The following RIMBP2 variants were observed in gnomAD, a reference collection of about 807,000 sequenced individuals.
RIMBP2 encodes RIMS-binding protein 2.
Under a neutral mutation model 118.6 loss-of-function variants are expected in RIMBP2, and 48 were observed. That is an observed-to-expected ratio of 0.40 (90% confidence interval 0.32 to 0.51). RIMBP2 has a LOEUF of 0.51. Among genes scored for constraint, RIMBP2 ranks in the 20% least tolerant of loss-of-function variants. The probability of loss-of-function intolerance (pLI) is 0.41; values close to 1 mark genes in which losing one functional copy is unlikely to be tolerated. For missense variants in RIMBP2, 1,551 were observed against 1,768.3 expected (o/e 0.88, Z 2.20); for synonymous variants, 762 against 742.9 (o/e 1.03, Z -0.42).
At chr12:130,455,499 C>A (rs775926141) in intron 7 of RIMBP2, among the ~76,000 whole-genome samples, 12 of 152,342 alleles carry the variant, frequency 7.9e-5, no homozygotes, top group Admixed American at 1.3e-4. Context: ...CTGGTCCCTG[C>A]CTGCTGGCCT....
chr12:130,619,307 T>C (rs1594065232), intron 2 of RIMBP2, among the ~76,000 whole-genome samples: 2 of 152,124 alleles, frequency 1.3e-5, no homozygotes, highest in African/African-American at 4.8e-5. Flanking sequence ...CAGTGGAGGG[T>C]GCTACGCAAC....
chr12:130,466,565 G>A (rs1593407714), intron 6 of RIMBP2, among the ~76,000 whole-genome samples: 1 of 152,192 alleles, frequency 6.6e-6, no homozygotes, highest in East Asian at 1.9e-4. Flanking sequence ...CAATCACCAA[G>A]CCAAAGGGAA....
chr12:130,462,763 C>A (rs1032641002), intron 6 of RIMBP2, among the ~76,000 whole-genome samples: 1 of 152,244 alleles, frequency 6.6e-6, no homozygotes, highest in South Asian at 2.1e-4. Flanking sequence ...GCTGGCACCA[C>A]GTGGAGCTCA....
chr12:130,460,531 A>G (rs1369302025), intron 6 of RIMBP2, among the ~76,000 whole-genome samples: 1 of 152,164 alleles, frequency 6.6e-6, no homozygotes, highest in African/African-American at 2.4e-5. Context: ...TGGTATTAGT[A>G]TTAATAGCAG....
At chr12:130,398,491 G>A (rs575310119) in intron 22 of RIMBP2, 3 of 152,678 alleles carry the variant, frequency 2.0e-5, no homozygotes, top group Non-Finnish European at 4.4e-5. Flanking sequence ...GTGATCATTT[G>A]AGCTGCGTGC....
intron 1 of RIMBP2, among the ~76,000 whole-genome samples, chr12:130,685,463 C>G (rs142110088): frequency 3.7e-4 from 56 of 152,298 alleles, no homozygotes; most frequent in African/African-American, 1.3e-3. Context: ...GTGAAGAAGA[C>G]GACTGGGCAG....
chr12:130,587,223 T>A (rs1566314947), intron 2 of RIMBP2, among the ~76,000 whole-genome samples: 1 of 145,118 alleles, frequency 6.9e-6, no homozygotes, highest in Non-Finnish European at 1.5e-5. Context: ...ACTTTTACAC[T>A]GTTGGTGGGA....
chr12:130,430,420 T>A (rs960005795), intron 14 of RIMBP2: 11 of 152,146 alleles, frequency 7.2e-5, no homozygotes, highest in African/African-American at 2.7e-4. Flanking sequence ...AGGATTTGGA[T>A]CATCACTATA....
intron 14 of RIMBP2, chr12:130,430,240 G>A (rs1166526903): frequency 6.6e-6 from 1 of 152,270 alleles, no homozygotes; most frequent in Admixed American, 6.5e-5. Context: ...CTTGGTGGGT[G>A]CCTTCTCCTA....
chr12:130,504,558 G>A (rs1566159509), intron 4 of RIMBP2, among the ~76,000 whole-genome samples: 1 of 152,160 alleles, frequency 6.6e-6, no homozygotes, highest in Non-Finnish European at 1.5e-5. Context: ...AGCTGGAAAG[G>A]CAAGGAATGA....
intron 2 of RIMBP2, among the ~76,000 whole-genome samples, chr12:130,534,652 G>A (rs60929822): frequency 0.088 from 13,408 of 152,294 alleles, 748 homozygotes; most frequent in South Asian, 0.17. Context: ...TGGCACAGTG[G>A]TGCCTGCAGA....
intron 1 of RIMBP2, among the ~76,000 whole-genome samples, chr12:130,698,964 A>G (rs2065705851): frequency 6.6e-6 from 1 of 152,178 alleles, no homozygotes; most frequent in Non-Finnish European, 1.5e-5. Context: ...TATGCAGCCA[A>G]AAAACACATG....
chr12:130,457,351 C>T (rs1438933907), intron 6 of RIMBP2, among the ~76,000 whole-genome samples: 3 of 152,176 alleles, frequency 2.0e-5, no homozygotes, highest in African/African-American at 7.2e-5. Context: ...CAAGCGTCTC[C>T]CCCAGGGACA....
chr12:130,664,481 G>T (rs1234838866), intron 1 of RIMBP2, among the ~76,000 whole-genome samples: 1 of 127,730 alleles, frequency 7.8e-6, no homozygotes, highest in Non-Finnish European at 1.7e-5. Context: ...GCACGCACAC[G>T]CATCACACAC....
chr12:130,686,177 G>A (rs1025193894), intron 1 of RIMBP2, among the ~76,000 whole-genome samples: 3 of 152,118 alleles, frequency 2.0e-5, no homozygotes, highest in African/African-American at 7.2e-5. Context: ...CCACATTCCC[G>A]TTGCCCCTTC....
chr12:130,494,590 G>T (rs1456455394), intron 4 of RIMBP2, among the ~76,000 whole-genome samples: 1 of 150,600 alleles, frequency 6.6e-6, no homozygotes, highest in Non-Finnish European at 1.5e-5. Flanking sequence ...AGTGAACTGA[G>T]ATTGCCCCAC....
intron 1 of RIMBP2, among the ~76,000 whole-genome samples, chr12:130,654,870 AG>A (rs2063359661): frequency 1.3e-5 from 2 of 152,342 alleles, no homozygotes; most frequent in South Asian, 4.1e-4. Context: ...TGACAGCAAC[AG>A]CAAGAAAGCC....
chr12:130,626,474 C>T (rs1023491789), intron 2 of RIMBP2, among the ~76,000 whole-genome samples: 6 of 148,222 alleles, frequency 4.0e-5, no homozygotes, highest in African/African-American at 7.6e-5. Context: ...TCACGACTAC[C>T]GCCAGCATCA....
intron 9 of RIMBP2, among the ~76,000 whole-genome samples, chr12:130,449,731 A>G (rs917454926): frequency 2.0e-5 from 3 of 152,016 alleles, no homozygotes; most frequent in African/African-American, 7.2e-5. Flanking sequence ...CAATCCAGGG[A>G]AGGGTATCCT....
Sources: gnomAD v4.1 joint callset for allele counts (sites outside exome capture counted in the v4.1 genomes callset) on GRCh38, gnomAD v4.1.1 for gene constraint, MANE v1.5 for transcripts, NCBI Gene and HGNC (gene_info 2026-07-23, HGNC 2026-07-21) for gene names.